Variants in EBF2 observed in about 807,000 individuals in gnomAD.
The protein encoded by EBF2 is EBF transcription factor 2.
A neutral mutation model predicts 72.8 loss-of-function variants in EBF2; 21 were observed. The observed-to-expected ratio is 0.29, with a 90% CI of 0.20 to 0.42. EBF2 has a LOEUF of 0.42. Among genes scored for constraint, EBF2 ranks in the 10% least tolerant of loss-of-function variants. EBF2 has a pLI of 1.00. For missense variants in EBF2, 637 were observed against 731.2 expected (o/e 0.87, Z 1.49); for synonymous variants, 299 against 274.2 (o/e 1.09, Z -0.89).
At chr8:25,874,683 ATTAT>A (rs959945158) in intron 10 of EBF2, among the ~76,000 whole-genome samples, 2 of 151,398 alleles carry the variant, frequency 1.3e-5, no homozygotes, top group African/African-American at 4.9e-5. Context: ...CTTTTAAAAA[ATTAT>A]TTATTTATTT....
At chr8:25,928,399 C>A (rs923026121) in intron 6 of EBF2, among the ~76,000 whole-genome samples, 3 of 152,166 alleles carry the variant, frequency 2.0e-5, no homozygotes, top group African/African-American at 7.2e-5. Flanking sequence ...CATTCCCTGT[C>A]CTCTTCTCCC....
intron 2 of EBF2, chr8:26,041,315 C>T (rs1805595829): frequency 4.7e-6 from 2 of 427,436 alleles, no homozygotes; most frequent in Non-Finnish European, 8.6e-6. Context: ...AGGCACCACC[C>T]AACCCATCGG....
rs149881943 is a variant in EBF2 at position 25,952,531 on chromosome 8, G to A, written c.552-43976C>T. On this transcript the variant is annotated intron_variant, in intron 6 of 15. Coordinates refer to ENST00000520164, the MANE Select transcript of EBF2 (RefSeq NM_022659.4). ...CACCCTGTCTACATGGGGATTTTGC[G>A]AAGTGGCCAGGCAGTCATTAGGTAA... is the stretch of plus-strand genomic sequence containing the variant. Among the ~76,000 whole-genome samples the A allele has an allele frequency of 3.4e-3, 517 of 152,202 alleles. 1 individual carries two copies. Among genetic ancestry groups the A allele is most frequent in the African/African-American group, 0.012 (488 of 41,516 alleles).
At position 25,942,731 on chromosome 8, in the gene EBF2, G is replaced by A. The variant is rs551797538; in HGVS notation, c.552-34176C>T. Among the ~76,000 whole-genome samples, 3 of 152,312 alleles carry A rather than the reference G, an allele frequency of 2.0e-5. No homozygotes were observed. In the East Asian group the frequency reaches 5.8e-4, roughly 29 times the overall value. On this transcript the variant is annotated intron_variant, in intron 6 of 15. Coordinates refer to ENST00000520164, the MANE Select transcript of EBF2 (RefSeq NM_022659.4). The stretch of plus-strand genomic sequence containing the variant: ...ACAGTAAAGTGAGGAGTTTGGAGTG[G>A]CCAAGGTGCAGAGCAGCTGTGAAAA...
chr8:25,905,974 T>C (rs1054013963), intron 7 of EBF2, among the ~76,000 whole-genome samples: 1 of 152,202 alleles, frequency 6.6e-6, no homozygotes, highest in African/African-American at 2.4e-5. Flanking sequence ...TACTTTCACA[T>C]AGGATGAGAA....
chr8:25,980,336 T>TA (rs1422565230), intron 6 of EBF2, among the ~76,000 whole-genome samples: 1 of 152,166 alleles, frequency 6.6e-6, no homozygotes, highest in Non-Finnish European at 1.5e-5. Context: ...GCTGCTGCTT[T>TA]AAAGAACTAT....
intron 7 of EBF2, among the ~76,000 whole-genome samples, chr8:25,904,235 C>CAAAAAA (rs35930162): frequency 4.9e-4 from 60 of 121,792 alleles, no homozygotes; most frequent in South Asian, 1.4e-3. Context: ...GGGTCTGGGC[C>CAAAAAA]AAAAAAAAAA....
intron 10 of EBF2, among the ~76,000 whole-genome samples, chr8:25,882,164 C>A (rs1414761488): frequency 6.6e-6 from 1 of 152,150 alleles, no homozygotes; most frequent in African/African-American, 2.4e-5. Context: ...ACTGGGGCTT[C>A]AGCTGTAAAA....
chr8:25,875,978 A>G (rs965783546), intron 10 of EBF2, among the ~76,000 whole-genome samples: 1 of 152,218 alleles, frequency 6.6e-6, no homozygotes, highest in African/African-American at 2.4e-5. Flanking sequence ...TTGTTGAAGC[A>G]TGTTCACAAA....
At chr8:25,893,271 A>AT (rs201829098) in intron 7 of EBF2, among the ~76,000 whole-genome samples, 3,332 of 111,318 alleles carry the variant, frequency 0.03, 208 homozygotes, top group African/African-American at 0.064. Context: ...TAATTCTTCC[A>AT]TTTTTTTTTT....
At chr8:26,011,803 C>CT (rs112164413) in intron 6 of EBF2, among the ~76,000 whole-genome samples, 68 of 140,190 alleles carry the variant, frequency 4.9e-4, no homozygotes, top group East Asian at 6.7e-4. Flanking sequence ...TTTACTTGAA[C>CT]TTTTTTTTAA....
intron 6 of EBF2, among the ~76,000 whole-genome samples, chr8:25,943,570 A>G (rs887345014): frequency 9.9e-5 from 15 of 151,976 alleles, no homozygotes; most frequent in Non-Finnish European, 1.5e-4. Flanking sequence ...TCCTAGTTCT[A>G]TGTCCTTTTC....
At chr8:26,040,127 G>C (rs1805573747) in intron 4 of EBF2, 26 bp from the exon 5 acceptor site, 2 of 1,611,174 alleles carry the variant, frequency 1.2e-6, no homozygotes, top group Admixed American at 3.3e-5. Flanking sequence ...TGGCAGGAAA[G>C]GAAGATGTGG....
intron 6 of EBF2, among the ~76,000 whole-genome samples, chr8:25,986,331 C>G (rs1187002970): frequency 2.6e-5 from 4 of 152,140 alleles, no homozygotes; most frequent in Non-Finnish European, 5.9e-5. Context: ...GCAGTCTACT[C>G]TAACTTCTCT....
chr8:25,975,750 T>A (rs1293957860), intron 6 of EBF2, among the ~76,000 whole-genome samples: 2 of 152,156 alleles, frequency 1.3e-5, no homozygotes, highest in African/African-American at 4.8e-5. Flanking sequence ...TATTTTCATT[T>A]CTACAGTAAC....
chr8:25,937,524 A>G (rs552168729), intron 6 of EBF2, among the ~76,000 whole-genome samples: 2 of 152,314 alleles, frequency 1.3e-5, no homozygotes, highest in African/African-American at 4.8e-5. Flanking sequence ...TTATTGTTTC[A>G]TCAATCTGGT....
At chr8:25,868,785 T>C (rs1230526344) in intron 10 of EBF2, among the ~76,000 whole-genome samples, 4 of 152,232 alleles carry the variant, frequency 2.6e-5, no homozygotes, top group African/African-American at 9.6e-5. Context: ...CTGTACATAC[T>C]ATTTTAATTT....
Position 25,861,293 on chromosome 8 carries a change from GATGTCAGT to G in EBF2, c.1164+8_1164+15del. 6.2e-7 allele frequency: 1 copy of G among 1,614,132 alleles called. No homozygotes were observed. Among genetic ancestry groups the G allele is most frequent in the South Asian group, 1.1e-5 (1 of 91,076 alleles). Reference sequence around the variant, plus strand: ...AAGTGCAAAACTCAATAAAGGATAGGATGTCAGTATCTCACCTGGTTATTGTGTGGTGT... The same window carrying G: ...AAGTGCAAAACTCAATAAAGGATAGGATCTCACCTGGTTATTGTGTGGTGT... On this transcript the variant is annotated splice_region_variant and intron_variant, in intron 12 of 15. Coordinates refer to ENST00000520164, the MANE Select transcript of EBF2 (RefSeq NM_022659.4).
chr8:26,027,617 G>A (rs920187265), intron 6 of EBF2, among the ~76,000 whole-genome samples: 3 of 149,622 alleles, frequency 2.0e-5, no homozygotes, highest in African/African-American at 4.8e-5. Flanking sequence ...TCCACTTCTG[G>A]GTATGTTCCC....
Sources: allele counts gnomAD v4.1 joint callset (sites outside exome capture counted in the v4.1 genomes callset), GRCh38; gene constraint gnomAD v4.1.1; transcripts MANE v1.5; gene names NCBI Gene and HGNC (gene_info 2026-07-23, HGNC 2026-07-21).